Variants in CYFIP1 observed in about 807,000 individuals in gnomAD.
CYFIP1 encodes cytoplasmic FMR1 interacting protein 1, also known as cytoplasmic FMR1-interacting protein 1.
Under a neutral mutation model 163.5 loss-of-function variants are expected in CYFIP1, and 58 were observed. The observed-to-expected ratio is 0.35, with a 90% CI of 0.29 to 0.44. CYFIP1 has a LOEUF of 0.44. Ranked by LOEUF, CYFIP1 falls within the 20% of genes least tolerant of loss-of-function variation. The pLI, the probability that CYFIP1 is intolerant of heterozygous loss-of-function variation, is 1.00. For missense variants in CYFIP1, 1,338 were observed against 1,653.8 expected (o/e 0.81, Z 3.31); for synonymous variants, 663 against 660.7 (o/e 1.00, Z -0.05).
At chr15:22,952,265 T>G (rs2062276930) in intron 1 of CYFIP1, among the ~76,000 whole-genome samples, 1 of 151,758 alleles carries the variant, frequency 6.6e-6, no homozygotes, top group African/African-American at 2.4e-5. Context: ...GGATACAGAG[T>G]TTCGGCTTGG....
At chr15:22,870,240 T>C (rs2059391727) in intron 30 of CYFIP1, 48 bp from the exon 31 acceptor site, 2 of 1,528,560 alleles carry the variant, frequency 1.3e-6, no homozygotes, top group Non-Finnish European at 8.8e-7. Flanking sequence ...CTTCAACATT[T>C]ATTCTTCATG....
At chr15:22,976,956 T>C (rs2063302164) in intron 1 of CYFIP1, among the ~76,000 whole-genome samples, 1 of 152,144 alleles carries the variant, frequency 6.6e-6, no homozygotes, top group Non-Finnish European at 1.5e-5. Context: ...TCCTAGCACT[T>C]TGGGAGGCCG....
intron 1 of CYFIP1, among the ~76,000 whole-genome samples, chr15:22,962,432 C>T (rs907787797): frequency 1.4e-5 from 2 of 144,048 alleles, no homozygotes; most frequent in Non-Finnish European, 3.0e-5. Context: ...GAGTTTTGCT[C>T]TTGTTGCCCA....
chr15:22,917,991 C>T lies in CYFIP1; in HGVS notation c.1527-56G>A. 6.4e-7 allele frequency: 1 copy of T among 1,571,092 alleles called. No homozygotes were observed. Among genetic ancestry groups the T allele is most frequent in the Non-Finnish European group, 8.7e-7 (1 of 1,155,818 alleles). On this transcript the variant is annotated intron_variant, in intron 14 of 30. Transcript: ENST00000617928. The surrounding 1 kb of genome is among the most constrained non-coding windows in gnomAD (Gnocchi z 4.2). Reference sequence around the variant, plus strand: ...CCAGAGGCCGAGACCTCCAGCCTCACAATCACACCATCTCCTCACCCAACT... The same window carrying T: ...CCAGAGGCCGAGACCTCCAGCCTCATAATCACACCATCTCCTCACCCAACT...
chr15:22,922,448 T>C (rs2061216060), intron 13 of CYFIP1, among the ~76,000 whole-genome samples: 1 of 152,230 alleles, frequency 6.6e-6, no homozygotes, highest in African/African-American at 2.4e-5. Flanking sequence ...GCTGGAAGTT[T>C]ACACCTGTCT....
At chr15:22,926,994 T>C (rs2061376271) in intron 12 of CYFIP1, among the ~76,000 whole-genome samples, 2 of 152,188 alleles carry the variant, frequency 1.3e-5, no homozygotes, top group South Asian at 4.1e-4. Flanking sequence ...GTACCCCTAT[T>C]ATGCATCAAT....
chr15:22,928,108 C>G, intron 11 of CYFIP1, 80 bp from the exon 12 acceptor site: 1 of 1,396,830 alleles, frequency 7.2e-7, no homozygotes, highest in Non-Finnish European at 9.3e-7. Flanking sequence ...CCATGAGAAT[C>G]CACCCCAAAG....
At chr15:22,884,588 T>C (rs1045409958) in intron 23 of CYFIP1, among the ~76,000 whole-genome samples, 6 of 152,152 alleles carry the variant, frequency 3.9e-5, no homozygotes. Context: ...CAGGCTGGCA[T>C]TGAGTGTCTG....
At chr15:22,871,165 G>A (rs1055558038) in intron 30 of CYFIP1, among the ~76,000 whole-genome samples, 1 of 152,142 alleles carries the variant, frequency 6.6e-6, no homozygotes, top group Non-Finnish European at 1.5e-5. Context: ...TTGGGGGAAA[G>A]CAATCTAAAT....
chr15:22,944,533 C>T, intron 5 of CYFIP1, 25 bp downstream of exon 5: 3 of 1,525,450 alleles, frequency 2.0e-6, no homozygotes, highest in Non-Finnish European at 2.7e-6. Flanking sequence ...GTGTTACACC[C>T]CCCCCAGATT....
chr15:22,891,006 A>G (rs1172010843), intron 23 of CYFIP1, among the ~76,000 whole-genome samples: 1 of 126,758 alleles, frequency 7.9e-6, no homozygotes, highest in Non-Finnish European at 1.7e-5. Context: ...TCCCACCCCC[A>G]CCTTTAACCT....
At chr15:22,934,418 C>G (rs1417747074) in intron 9 of CYFIP1, among the ~76,000 whole-genome samples, 1 of 148,254 alleles carries the variant, frequency 6.7e-6, no homozygotes, top group Non-Finnish European at 1.5e-5. Context: ...ATCTCCTGAC[C>G]TCGTGATCTA....
chr15:22,879,650 T>C (rs2059691764), intron 26 of CYFIP1, among the ~76,000 whole-genome samples: 1 of 152,088 alleles, frequency 6.6e-6, no homozygotes, highest in Non-Finnish European at 1.5e-5. Context: ...CATTTAGATG[T>C]TGAAAACATC....
chr15:22,957,559 C>T (rs2062515909), intron 1 of CYFIP1, among the ~76,000 whole-genome samples: 1 of 152,144 alleles, frequency 6.6e-6, no homozygotes, highest in African/African-American at 2.4e-5. Context: ...TGGCGTGAAC[C>T]CAGGAGGCGG....
chr15:22,940,521 C>A (rs537452815), intron 6 of CYFIP1, among the ~76,000 whole-genome samples: 1 of 152,174 alleles, frequency 6.6e-6, no homozygotes. Context: ...CTTAAGCAAC[C>A]ATTTAGGACC....
intron 10 of CYFIP1, among the ~76,000 whole-genome samples, chr15:22,933,379 A>T (rs1299500562): frequency 6.7e-6 from 1 of 148,586 alleles, no homozygotes; most frequent in African/African-American, 2.5e-5. Flanking sequence ...CAGTGGCGCG[A>T]TCTCTGCTCA....
chr15:22,903,636 G>C, intron 22 of CYFIP1, 70 bp downstream of exon 22: 3 of 1,523,710 alleles, frequency 2.0e-6, no homozygotes, highest in Non-Finnish European at 2.7e-6. Context: ...TGGTGACATG[G>C]AGGAAGCCTG....
chr15:22,908,184 T>C (rs997890640), intron 21 of CYFIP1, among the ~76,000 whole-genome samples: 1 of 152,190 alleles, frequency 6.6e-6, no homozygotes, highest in Non-Finnish European at 1.5e-5. Context: ...AACACAGCAG[T>C]GTGTGAAGAC....
chr15:22,876,641 G>C (rs1028531368), intron 26 of CYFIP1, among the ~76,000 whole-genome samples: 7 of 152,020 alleles, frequency 4.6e-5, no homozygotes, highest in African/African-American at 1.4e-4. Flanking sequence ...AGACCAGCCT[G>C]ACCAACATGG....
Sources: gnomAD v4.1 joint callset for allele counts (sites outside exome capture counted in the v4.1 genomes callset) on GRCh38, gnomAD v4.1.1 for gene constraint, Gnocchi (gnomAD v3.1) non-coding constraint, MANE v1.5 for transcripts, NCBI Gene and HGNC (gene_info 2026-07-23, HGNC 2026-07-21) for gene names.